The following WDR70 variants were observed in gnomAD, a reference collection of about 807,000 sequenced individuals.
The protein encoded by WDR70 is WD repeat-containing protein 70.
WDR70 carries 53 observed loss-of-function variants against 88.6 expected under a neutral mutation model. The ratio of observed to expected loss-of-function variants is 0.60; its 90% CI spans 0.48 to 0.75. The LOEUF (loss-of-function observed/expected upper bound fraction) is 0.75, where lower values mean the gene tolerates loss of function less well. Among genes scored for constraint, WDR70 ranks in the 30% least tolerant of loss-of-function variants. WDR70 has a pLI of 0.00. For synonymous variants in WDR70, 280 were observed against 270.0 expected (o/e 1.04, Z -0.36); for missense variants, 610 against 823.2 (o/e 0.74, Z 3.17).
intron 9 of WDR70, among the ~76,000 whole-genome samples, chr5:37,530,954 G>A (rs1257886156): frequency 6.6e-6 from 1 of 151,880 alleles, no homozygotes; most frequent in Non-Finnish European, 1.5e-5. Context: ...TTTCCTCTTA[G>A]CACCACTGTT....
chr5:37,381,415 C>T (rs1748420075), intron 2 of WDR70, among the ~76,000 whole-genome samples, 187 bp from the exon 3 acceptor site: 4 of 152,132 alleles, frequency 2.6e-5, no homozygotes, highest in South Asian at 2.1e-4. Flanking sequence ...GTTAATAGTA[C>T]TTAGTGAAGG....
intron 10 of WDR70, among the ~76,000 whole-genome samples, chr5:37,687,705 A>G (rs1283465410): frequency 2.6e-5 from 4 of 151,856 alleles, no homozygotes; most frequent in East Asian, 1.9e-4. Flanking sequence ...CGTTCATTAT[A>G]TTGTATCTAC....
chr5:37,740,972 G>A (rs1047980711), intron 17 of WDR70, among the ~76,000 whole-genome samples: 3 of 152,152 alleles, frequency 2.0e-5, no homozygotes, highest in Non-Finnish European at 2.9e-5. Context: ...ACATTTTATA[G>A]CAATTTGATG....
chr5:37,534,483 T>C (rs1741596775), intron 9 of WDR70, among the ~76,000 whole-genome samples: 1 of 149,126 alleles, frequency 6.7e-6, no homozygotes, highest in Admixed American at 6.8e-5. Flanking sequence ...TTTCCCCCCA[T>C]ACTGTACAAA....
At chr5:37,554,732 G>A (rs1315630696) in intron 9 of WDR70, among the ~76,000 whole-genome samples, 1 of 151,270 alleles carries the variant, frequency 6.6e-6, no homozygotes, top group East Asian at 1.9e-4. Flanking sequence ...GTATTGCTAT[G>A]TTACCCAGGC....
At chr5:37,563,121 G>T (rs1173791118) in intron 9 of WDR70, among the ~76,000 whole-genome samples, 1 of 67,004 alleles carries the variant, frequency 1.5e-5, no homozygotes, top group African/African-American at 4.2e-5. Context: ...CTGGCTGGGC[G>T]GGGGGCTGAC....
At chr5:37,589,255 C>CAT (rs1389874162) in intron 9 of WDR70, among the ~76,000 whole-genome samples, 1 of 120,764 alleles carries the variant, frequency 8.3e-6, no homozygotes, top group African/African-American at 4.3e-5. Context: ...CACATACACA[C>CAT]ACACACACAC....
At chr5:37,474,772 C>T (rs915861607) in intron 7 of WDR70, among the ~76,000 whole-genome samples, 5 of 152,152 alleles carry the variant, frequency 3.3e-5, no homozygotes, top group African/African-American at 1.2e-4. Flanking sequence ...GTTGTTCCCC[C>T]ACATGTGTCC....
intron 13 of WDR70, among the ~76,000 whole-genome samples, chr5:37,719,598 T>G (rs1747747170): frequency 6.6e-6 from 1 of 152,134 alleles, no homozygotes; most frequent in African/African-American, 2.4e-5. Flanking sequence ...TGATTTTCTC[T>G]GTACAATATC....
At chr5:37,721,763 G>A (rs1862577) in intron 14 of WDR70, 60,441 of 152,312 alleles carry the variant, frequency 0.4, 13,871 homozygotes, top group East Asian at 0.54. Context: ...CGTAACTAGA[G>A]GTTCAGTCAT....
At chr5:37,504,747 C>G (rs2112228045) in intron 8 of WDR70, among the ~76,000 whole-genome samples, 1 of 152,278 alleles carries the variant, frequency 6.6e-6, no homozygotes, top group South Asian at 2.1e-4. Context: ...GAAGAATAAG[C>G]ACGAAAATAC....
chr5:37,710,908 T>G (rs1392779148), intron 13 of WDR70, among the ~76,000 whole-genome samples: 1 of 151,986 alleles, frequency 6.6e-6, no homozygotes, highest in Non-Finnish European at 1.5e-5. Context: ...CAAATCCACC[T>G]ACTACTGTTT....
intron 9 of WDR70, among the ~76,000 whole-genome samples, chr5:37,545,466 C>T (rs1741957934): frequency 6.6e-6 from 1 of 151,710 alleles, no homozygotes; most frequent in South Asian, 2.1e-4. Context: ...AACATAATCT[C>T]ATAATTTTTC....
chr5:37,512,801 T>C (rs1740760513), intron 8 of WDR70, among the ~76,000 whole-genome samples: 1 of 151,844 alleles, frequency 6.6e-6, no homozygotes, highest in African/African-American at 2.4e-5. Flanking sequence ...CCCAGGCTGG[T>C]CTCAAACTCC....
intron 5 of WDR70, among the ~76,000 whole-genome samples, chr5:37,397,954 C>T (rs1749076141): frequency 6.7e-6 from 1 of 148,828 alleles, no homozygotes; most frequent in Non-Finnish European, 1.5e-5. Context: ...CGAGATTGCA[C>T]CACTGCTCTC....
At chr5:37,494,703 T>A (rs1428353247) in intron 8 of WDR70, among the ~76,000 whole-genome samples, 1 of 152,264 alleles carries the variant, frequency 6.6e-6, no homozygotes, top group African/African-American at 2.4e-5. Context: ...AAGCATATTA[T>A]GACCATTCAT....
intron 5 of WDR70, among the ~76,000 whole-genome samples, chr5:37,411,269 G>T (rs1482489727): frequency 1.3e-5 from 2 of 152,128 alleles, no homozygotes; most frequent in African/African-American, 4.8e-5. Flanking sequence ...CTTTTAAGGT[G>T]TTATTTAATA....
intron 8 of WDR70, among the ~76,000 whole-genome samples, chr5:37,497,967 G>C (rs187819046): frequency 1.3e-5 from 2 of 151,978 alleles, no homozygotes; most frequent in African/African-American, 4.8e-5. Context: ...GATTATAAGC[G>C]TGCTCCACTA....
intron 8 of WDR70, among the ~76,000 whole-genome samples, chr5:37,495,620 T>C (rs1361348299): frequency 3.9e-5 from 6 of 152,178 alleles, no homozygotes; most frequent in Non-Finnish European, 8.8e-5. Context: ...GTTAAGGCTG[T>C]TAAATAAAGG....
Sources: gnomAD v4.1 joint callset for allele counts (sites outside exome capture counted in the v4.1 genomes callset) on GRCh38, gnomAD v4.1.1 for gene constraint, MANE v1.5 for transcripts, NCBI Gene and HGNC (gene_info 2026-07-23, HGNC 2026-07-21) for gene names.